DOCK1: variants seen among roughly 807,000 people sequenced by gnomAD.
The protein encoded by DOCK1 is dedicator of cytokinesis 1.
In DOCK1, 138 loss-of-function variants were observed where a neutral mutation model predicts 262.7. The observed-to-expected ratio is 0.53, with a 90% CI of 0.46 to 0.61. The LOEUF (loss-of-function observed/expected upper bound fraction) is 0.61. Among genes scored for constraint, DOCK1 ranks in the 20% least tolerant of loss-of-function variants. DOCK1 has a pLI of 0.00. For synonymous variants in DOCK1, 866 were observed against 867.4 expected (o/e 1.00, Z 0.03); for missense variants, 1,908 against 2,370.7 (o/e 0.80, Z 4.05).
intron 1 of DOCK1, among the ~76,000 whole-genome samples, chr10:126,946,350 C>A (rs944513874): frequency 2.0e-5 from 3 of 152,222 alleles, no homozygotes; most frequent in Non-Finnish European, 2.9e-5. Flanking sequence ...AGTTCAAGAC[C>A]AGCCTGGCCA....
At chr10:127,203,234 G>A (rs2057553088) in intron 27 of DOCK1, among the ~76,000 whole-genome samples, 1 of 152,128 alleles carries the variant, frequency 6.6e-6, no homozygotes, top group African/African-American at 2.4e-5. Flanking sequence ...CATGTATAAT[G>A]GCATCGTATT....
At chr10:126,999,059 T>C (rs2040408215) in intron 8 of DOCK1, among the ~76,000 whole-genome samples, 1 of 152,132 alleles carries the variant, frequency 6.6e-6, no homozygotes, top group Non-Finnish European at 1.5e-5. Flanking sequence ...TTTTATAGTA[T>C]TGTCATTCTA....
intron 23 of DOCK1, among the ~76,000 whole-genome samples, chr10:127,089,635 G>C (rs986227028): frequency 2.0e-5 from 3 of 152,200 alleles, no homozygotes; most frequent in Non-Finnish European, 4.4e-5. Context: ...CAGGCTTCAG[G>C]CTGGCTCTGC....
chr10:127,261,785 CTGCATGTGTG>C (rs1219630570), intron 29 of DOCK1, among the ~76,000 whole-genome samples: 1 of 112,840 alleles, frequency 8.9e-6, no homozygotes, highest in African/African-American at 3.6e-5. Flanking sequence ...GTGTGTGTAC[CTGCATGTGTG>C]TGCATGTGGG....
At chr10:126,984,830 C>T (rs1398447808) in intron 4 of DOCK1, among the ~76,000 whole-genome samples, 6 of 152,222 alleles carry the variant, frequency 3.9e-5, no homozygotes, top group African/African-American at 1.4e-4. Flanking sequence ...TTAAAATCTA[C>T]TCTCAGCAAT....
chr10:127,142,848 G>C (rs2051400833), intron 27 of DOCK1, among the ~76,000 whole-genome samples: 1 of 152,128 alleles, frequency 6.6e-6, no homozygotes, highest in Admixed American at 6.5e-5. Context: ...TTCTTGGTTG[G>C]TCTTTCCCTT....
intron 23 of DOCK1, among the ~76,000 whole-genome samples, chr10:127,071,202 G>A (rs2046214203): frequency 6.6e-6 from 1 of 152,174 alleles, no homozygotes; most frequent in African/African-American, 2.4e-5. Flanking sequence ...CCTGCAGAGG[G>A]TTGGGTAGTC....
intron 23 of DOCK1, among the ~76,000 whole-genome samples, chr10:127,069,597 A>T (rs1002524179): frequency 6.6e-6 from 1 of 152,122 alleles, no homozygotes. Context: ...TCTATTTGAG[A>T]GTCTCTCATC....
intron 38 of DOCK1, among the ~76,000 whole-genome samples, chr10:127,391,034 T>G (rs1356171046): frequency 6.6e-6 from 1 of 152,196 alleles, no homozygotes; most frequent in Non-Finnish European, 1.5e-5. Flanking sequence ...CACTGTCCTG[T>G]GGGGCCTCAC....
intron 29 of DOCK1, among the ~76,000 whole-genome samples, chr10:127,269,680 C>T (rs1185100218): frequency 6.6e-6 from 1 of 152,184 alleles, no homozygotes; most frequent in Non-Finnish European, 1.5e-5. Context: ...GCTGCAGTCC[C>T]CAGAGAGGAT....
chr10:126,919,814 T>G (rs1030788045), intron 1 of DOCK1, among the ~76,000 whole-genome samples: 1 of 152,238 alleles, frequency 6.6e-6, no homozygotes, highest in South Asian at 2.1e-4. Context: ...GCCTTAATCC[T>G]GTTGCTTTCT....
intron 12 of DOCK1, among the ~76,000 whole-genome samples, chr10:127,014,120 C>A (rs1462663300): frequency 2.6e-5 from 4 of 152,178 alleles, no homozygotes; most frequent in Non-Finnish European, 5.9e-5. Context: ...TTGGCCTTGG[C>A]CAGTTTTTGG....
chr10:127,304,049 A>T (rs2135450933), intron 29 of DOCK1, among the ~76,000 whole-genome samples: 1 of 152,270 alleles, frequency 6.6e-6, no homozygotes, highest in African/African-American at 2.4e-5. Context: ...ATTTGCTGGG[A>T]TGAGAGTATT....
chr10:127,433,473 G>A lies in DOCK1; in HGVS notation c.5060+45G>A, dbSNP rs540416743. 5.0e-6 allele frequency: 8 copies of A among 1,594,668 alleles called. No individual in the cohort carries two copies. The South Asian group carries it at 5.6e-5, about 11-fold the overall frequency. On this transcript the variant is annotated intron_variant, in intron 48 of 51. Coordinates refer to ENST00000623213, the MANE Select transcript of DOCK1 (RefSeq NM_001290223.2). The stretch of plus-strand genomic sequence containing the variant: ...GGGCTGAGCTGAGCAGTGAGGGCTT[G>A]GGGGATCTGGAAGGAGCCACCCAGG...
In DOCK1 at chr10:127,354,527, G is replaced by A; in HGVS notation, c.3225-142G>A. 3.5e-6 allele frequency: 3 copies of A among 850,460 alleles called. No individual in the cohort carries two copies. In the South Asian group the frequency reaches 5.4e-5, roughly 15 times the overall value. 52.7% of individuals were successfully genotyped at this position (850,460 alleles called of 1,614,324 possible). A position where few individuals can be genotyped will look rare whatever the true frequency, so the allele number is the denominator to read the frequency against. ...ATTCCTCCTCCTTTGATTCATTTTG[G>A]TGGCAAGAGAAGTTGAAGCTTTGAC... On this transcript the variant is annotated intron_variant, in intron 31 of 51. Transcript: ENST00000623213.
At chr10:127,208,986 G>A (rs2057848645) in intron 27 of DOCK1, among the ~76,000 whole-genome samples, 1 of 152,132 alleles carries the variant, frequency 6.6e-6, no homozygotes, top group South Asian at 2.1e-4. Flanking sequence ...TCTCTTAGGT[G>A]ATGGCTTTTT....
chr10:127,099,711 C>G (rs1592021011), intron 23 of DOCK1, among the ~76,000 whole-genome samples: 1 of 152,276 alleles, frequency 6.6e-6, no homozygotes, highest in East Asian at 1.9e-4. Context: ...TGAAACCCTC[C>G]CCTATGACCC....
chr10:127,374,586 C>T (rs780316419), intron 35 of DOCK1, among the ~76,000 whole-genome samples: 1 of 152,088 alleles, frequency 6.6e-6, no homozygotes, highest in South Asian at 2.1e-4. Context: ...TAGAGCAATA[C>T]CCCAGTCCTT....
chr10:127,007,031 C>G (rs1345823003), intron 10 of DOCK1, among the ~76,000 whole-genome samples: 3 of 152,162 alleles, frequency 2.0e-5, no homozygotes, highest in African/African-American at 4.8e-5. Context: ...TCAGTCACCC[C>G]CAAGAGTGCT....
Sources: gnomAD v4.1 joint callset for allele counts (sites outside exome capture counted in the v4.1 genomes callset) on GRCh38, gnomAD v4.1.1 for gene constraint, MANE v1.5 for transcripts, NCBI Gene and HGNC (gene_info 2026-07-23, HGNC 2026-07-21) for gene names.